The following COQ6 variants were observed in gnomAD, a reference collection of about 807,000 sequenced individuals.
COQ6 encodes the protein coenzyme Q6, monooxygenase.
COQ6 carries 45 observed loss-of-function variants against 55.5 expected under a neutral mutation model. That is an observed-to-expected ratio of 0.81 (90% CI 0.64 to 1.04). The LOEUF is 1.04. Ranked by LOEUF, COQ6 falls within the 50% of genes least tolerant of loss-of-function variation. The pLI is 0.00. For missense variants in COQ6, 550 were observed against 601.3 expected, an observed-to-expected ratio of 0.91 and a Z score of 0.89; for synonymous variants, 206 against 230.5, an observed-to-expected ratio of 0.89 and a Z score of 0.96.
intron 8 of COQ6, chr14:73,959,955 T>G: frequency 9.0e-7 from 1 of 1,113,700 alleles, no homozygotes; most frequent in South Asian, 2.4e-5. Flanking sequence ...GTCTAGATTA[T>G]GTGGAGGAGT....
intron 1 of COQ6, among the ~76,000 whole-genome samples, chr14:73,951,682 T>C (rs1403909286): frequency 2.1e-5 from 3 of 146,034 alleles, no homozygotes; most frequent in African/African-American, 7.4e-5. Flanking sequence ...TCAGCTATCA[T>C]TAATATTAGT....
At chr14:73,958,119 T>C in intron 4 of COQ6, 28 bp from the exon 5 acceptor site, 1 of 1,601,984 alleles carries the variant, frequency 6.2e-7, no homozygotes, top group African/African-American at 1.3e-5. Flanking sequence ...CCTTTCTAAT[T>C]TTTTTTCCTC....
rs764255836 is a variant in COQ6, at chr14:73,963,447, A to C, written c.*448A>C. Reference sequence around the variant, plus strand: ...GTTAACATCAGAATGCAAATTAAATATAAATTGCTTTAACCTTTGTTACAG... The same window carrying C: ...GTTAACATCAGAATGCAAATTAAATCTAAATTGCTTTAACCTTTGTTACAG... On this transcript the variant is annotated 3_prime_UTR_variant, in exon 12 of 12. Transcript: ENST00000334571. The C allele has an allele frequency of 4.5e-6, 1 of 220,094 alleles. No individual in the cohort carries two copies. Among genetic ancestry groups the C allele is most frequent in the East Asian group, 1.1e-4 (1 of 8,738 alleles). 13.6% of individuals were successfully genotyped at this position (220,094 alleles called of 1,614,324 possible).
At chr14:73,960,088 C>G in intron 8 of COQ6, 2 of 1,001,452 alleles carry the variant, frequency 2.0e-6, no homozygotes, top group Non-Finnish European at 2.4e-6. Context: ...TTTTTTGAAG[C>G]TGTAACACTT....
At position 73,950,408 on chromosome 14, in the gene COQ6, A is replaced by T; in HGVS notation, c.76A>T (p.Arg26Trp). ...CAGCGGCCCGCTGGTGTCCTGGCGC[A>T]GGTGGTCCGGCGCCTCAACAGACAC... ...PHSGPLVSWR[R>W]WSGASTDTVY... The change falls in exon 1 of 12, where the codon AGG (arginine) becomes TGG (tryptophan). Residue 26 changes from arginine to tryptophan, a missense_variant. By Grantham distance (101) the Arg-to-Trp change is moderately radical. Transcript: ENST00000334571. 2 of 1,595,182 alleles carry T rather than the reference A, an allele frequency of 1.3e-6. No individual in the cohort carries two copies. Among genetic ancestry groups the T allele is most frequent in the Non-Finnish European group, 8.5e-7 (1 of 1,171,042 alleles).
In COQ6 at chr14:73,958,127, C is replaced by A; in HGVS notation, c.482-20C>A. On this transcript the variant is annotated intron_variant, in intron 4 of 11. Coordinates refer to ENST00000334571, the MANE Select transcript of COQ6 (RefSeq NM_182476.3). ...TGGCCCACCTTTCTAATTTTTTTTC[C>A]TCTCTTTTGACCTCCCCAGACCGAG... The A allele has an allele frequency of 1.9e-6, 3 of 1,610,210 alleles. No homozygotes were observed. The highest frequency in any genetic ancestry group is 1.1e-5 in the South Asian group (1 of 90,984).
intron 1 of COQ6, among the ~76,000 whole-genome samples, chr14:73,951,289 C>A (rs1015580250): frequency 6.6e-6 from 1 of 152,080 alleles, no homozygotes; most frequent in Non-Finnish European, 1.5e-5. Flanking sequence ...AGCAACCCTG[C>A]CTGGCCATTA....
intron 2 of COQ6, among the ~76,000 whole-genome samples, chr14:73,954,700 C>T (rs1046259432): frequency 4.6e-5 from 7 of 151,212 alleles, no homozygotes; most frequent in South Asian, 2.1e-4. Context: ...AAAAATGAGC[C>T]GGGCATGGCG....
upstream of COQ6, chr14:73,950,169 C>G (rs768495118): frequency 6.3e-6 from 10 of 1,578,990 alleles, no homozygotes; most frequent in Non-Finnish European, 7.7e-6. Flanking sequence ...CCATCCCGCC[C>G]GAGGAGGCAA....
chr14:73,956,043 G>A, intron 4 of COQ6, 115 bp downstream of exon 4: 1 of 1,493,286 alleles, frequency 6.7e-7, no homozygotes, highest in Non-Finnish European at 9.2e-7. Context: ...ATCCTCTGAT[G>A]GCCGGGTGCG....
intron 8 of COQ6, chr14:73,960,029 C>T (rs1456053359): frequency 2.0e-6 from 2 of 1,011,352 alleles, no homozygotes; most frequent in Non-Finnish European, 2.4e-6. Flanking sequence ...TTGTGGGCTG[C>T]TGTTAGGCTG....
chr14:73,959,421 G>A lies in COQ6; in HGVS notation c.790G>A (p.Asp264Asn). ...TGGTGTTCTTTTGACACAGCTCTCAGACACCTTGAGTTCCTTGGTTTGGTC... is the reference window on the plus strand; with the variant it reads ...TGGTGTTCTTTTGACACAGCTCTCAAACACCTTGAGTTCCTTGGTTTGGTC... ...SGPIALLPLS[D>N]TLSSLVWSTS... is the part of the protein sequence containing the mutation. The change falls in exon 8 of 12, where the codon GAC becomes AAC. Residue 264 changes from aspartate to asparagine, a missense_variant. Asp to Asn is a conservative substitution (Grantham distance 23, BLOSUM62 1). Transcript: ENST00000334571. The A allele has an allele frequency of 6.2e-7, 1 of 1,614,202 alleles. No individual in the cohort carries two copies. The highest frequency in any genetic ancestry group is 2.2e-5 in the East Asian group (1 of 44,882).
Position 73,961,858 on chromosome 14 carries a change from C to T in COQ6, c.1332C>T (p.Leu444=). The change falls in exon 11 of 12, where the codon CTC becomes CTT. Residue 444 remains leucine, a synonymous_variant. Coordinates refer to ENST00000334571, the MANE Select transcript of COQ6 (RefSeq NM_182476.3). ...YSTSASPLVL[L]RTWGLQATNA... is the part of the protein sequence containing the mutation. ...CCAGTGCCTCCCCGCTTGTGTTGCT[C>T]AGGACGTGGGGCTTGCAGGCCACAA... 2 of 1,614,192 alleles carry T rather than the reference C, an allele frequency of 1.2e-6. No homozygotes were observed. The highest frequency in any genetic ancestry group is 1.7e-6 in the Non-Finnish European group (2 of 1,180,036).
rs370190529 is a variant in COQ6 at position 73,961,703 on chromosome 14, G to T, written c.1211-34G>T. On this transcript the variant is annotated intron_variant, in intron 10 of 11. Transcript: ENST00000334571. ...GGAGATGGAAGAAAACCTTATTATT[G>T]GATTAGGGATTTAATCTTTCCTCTG... 4.3e-6 allele frequency: 7 copies of T among 1,613,228 alleles called. No homozygotes were observed. The African/African-American group carries it at 9.3e-5, about 22-fold the overall frequency.
chr14:73,953,213 T>C (rs979422958), intron 1 of COQ6, among the ~76,000 whole-genome samples: 8 of 152,198 alleles, frequency 5.3e-5, no homozygotes, highest in Non-Finnish European at 1.2e-4. Flanking sequence ...GCACGTGGCA[T>C]GTAGTGGTCT....
intron 2 of COQ6, among the ~76,000 whole-genome samples, chr14:73,954,936 C>CTTTTTTTTTTT (rs35787543): frequency 7.9e-6 from 1 of 126,178 alleles, no homozygotes; most frequent in Non-Finnish European, 1.6e-5. Context: ...GAAGCTGAGT[C>CTTTTTTTTTTT]TTTTTTTTTT....
intron 1 of COQ6, among the ~76,000 whole-genome samples, chr14:73,950,962 T>G (rs2056167364): frequency 6.6e-6 from 1 of 152,232 alleles, no homozygotes; most frequent in Non-Finnish European, 1.5e-5. Context: ...TGCCCGGTTT[T>G]TAATTGAGCA....
intron 4 of COQ6, chr14:73,957,925 C>T: frequency 2.0e-6 from 1 of 512,434 alleles, no homozygotes; most frequent in Non-Finnish European, 3.5e-6. Flanking sequence ...GTGCCTCTGA[C>T]AGAGTTCACT....
At chr14:73,961,044 C>G (rs1272942999) in intron 8 of COQ6, 129 bp from the exon 9 acceptor site, 2 of 1,077,684 alleles carry the variant, frequency 1.9e-6, no homozygotes, top group Non-Finnish European at 2.7e-6. Flanking sequence ...TATCACTTGT[C>G]AAGATCAGTG....
Sources: allele counts gnomAD v4.1 joint callset (sites outside exome capture counted in the v4.1 genomes callset), GRCh38; gene constraint gnomAD v4.1.1; transcripts MANE v1.5; gene names NCBI Gene and HGNC (gene_info 2026-07-23, HGNC 2026-07-21).